The following CYP46A1 variants were observed in gnomAD, a reference collection of about 807,000 sequenced individuals.
CYP46A1 encodes the protein cytochrome P450 family 46 subfamily A member 1.
A neutral mutation model predicts 63.3 loss-of-function variants in CYP46A1; 20 were observed. The ratio of observed to expected loss-of-function variants is 0.32; its 90% CI spans 0.22 to 0.46. CYP46A1 has a LOEUF of 0.46. CYP46A1 is among the 20% of genes least tolerant of loss of function. CYP46A1 has a pLI of 1.00. For missense variants in CYP46A1, 445 were observed against 670.8 expected (o/e 0.66, Z 3.72); for synonymous variants, 268 against 273.6 (o/e 0.98, Z 0.20).
chr14:99,710,114 TATC>T (rs1337690486), intron 7 of CYP46A1: 1 of 152,144 alleles, frequency 6.6e-6, no homozygotes, highest in African/African-American at 2.4e-5. Context: ...GGACAATCTC[TATC>T]ATCATGAAAA....
intron 1 of CYP46A1, among the ~76,000 whole-genome samples, chr14:99,688,080 G>A (rs2056510669): frequency 6.6e-6 from 1 of 152,004 alleles, no homozygotes; most frequent in Non-Finnish European, 1.5e-5. Context: ...CCATGTGGCA[G>A]GGAACCCCAG....
intron 7 of CYP46A1, chr14:99,712,905 G>A (rs1225717725): frequency 6.6e-6 from 1 of 152,166 alleles, no homozygotes; most frequent in Non-Finnish European, 1.5e-5. Flanking sequence ...CTACTATAAA[G>A]CTACAATAAC....
intron 13 of CYP46A1, 144 bp from the exon 14 acceptor site, chr14:99,726,046 G>A (rs555453836): frequency 5.1e-5 from 36 of 706,230 alleles, no homozygotes; most frequent in African/African-American, 3.3e-4. Flanking sequence ...CAGAGTCAGC[G>A]GTTCATGCTT....
intron 3 of CYP46A1, among the ~76,000 whole-genome samples, chr14:99,698,362 T>A (rs192640146): frequency 6.6e-6 from 1 of 152,308 alleles, no homozygotes. Flanking sequence ...ATTCAAATCC[T>A]GTGTCTACCA....
Position 99,725,083 on chromosome 14 carries a change from C to T in CYP46A1, c.1177-308C>T, listed in dbSNP as rs1294403983. On this transcript the variant is annotated intron_variant, in intron 12 of 14. Transcript: ENST00000261835. This position sits in a 1 kb window ranked among gnomAD's most constrained non-coding sequence, Gnocchi z 4.2. ...TGGTGACTTCAGGTGAGTCACTGAG[C>T]CTCTCTCTGGGTCTCAGTTTCCTCA... Among the ~76,000 whole-genome samples the T allele has an allele frequency of 6.6e-6, 1 of 152,194 alleles. No individual in the cohort carries two copies. Among genetic ancestry groups the T allele is most frequent in the Non-Finnish European group, 1.5e-5 (1 of 68,038 alleles).
intron 7 of CYP46A1, chr14:99,710,427 A>C (rs1349495976): frequency 6.6e-6 from 1 of 152,148 alleles, no homozygotes; most frequent in African/African-American, 2.4e-5. Flanking sequence ...TATGCTGCTT[A>C]CAAGAAACTC....
intron 5 of CYP46A1, among the ~76,000 whole-genome samples, chr14:99,702,889 A>G (rs1350843007): frequency 1.3e-5 from 2 of 152,188 alleles, no homozygotes; most frequent in Non-Finnish European, 2.9e-5. Flanking sequence ...TCATTTGTAC[A>G]GTTGTAGCTG....
At chr14:99,726,104 A>G in intron 13 of CYP46A1, 86 bp from the exon 14 acceptor site, 1 of 1,233,946 alleles carries the variant, frequency 8.1e-7, no homozygotes, top group Non-Finnish European at 1.2e-6. Flanking sequence ...GTTCATCCAG[A>G]CCTGGGTTAA....
chr14:99,711,496 G>A (rs1185801829), intron 7 of CYP46A1: 1 of 151,946 alleles, frequency 6.6e-6, no homozygotes, highest in Non-Finnish European at 1.5e-5. Context: ...AGATTTTTAT[G>A]AACCACTATA....
At position 99,706,717 on chromosome 14, in the gene CYP46A1, G is replaced by A; in HGVS notation, c.514G>A (p.Ala172Thr). 6.2e-7 allele frequency: 1 copy of A among 1,613,840 alleles called. No individual in the cohort carries two copies. The highest frequency in any genetic ancestry group is 8.5e-7 in the Non-Finnish European group (1 of 1,180,014). The change falls in exon 6 of 15, where the codon GCA becomes ACA. Residue 172 changes from alanine (A) to threonine (T), a missense_variant. Physicochemically the swap from Ala to Thr is moderately conservative, Grantham distance 58. This residue lies in a region of CYP46A1 where 252 missense variants were observed against 383.3 expected (regional missense o/e 0.66). Coordinates refer to ENST00000261835, the MANE Select transcript of CYP46A1 (RefSeq NM_006668.2). ...EQLVEILEAK[A>T]DGQTPVSMQD... Reference sequence around the variant, plus strand: ...GCTGGTGGAGATTCTAGAAGCCAAGGCAGATGGGCAGACCCCAGTGTCCAT... The same window carrying A: ...GCTGGTGGAGATTCTAGAAGCCAAGACAGATGGGCAGACCCCAGTGTCCAT...
intron 3 of CYP46A1, among the ~76,000 whole-genome samples, chr14:99,692,799 C>T (rs1450945311): frequency 6.6e-6 from 1 of 151,730 alleles, no homozygotes; most frequent in African/African-American, 2.4e-5. Flanking sequence ...CACAGCACTC[C>T]AGCCTGGGTG....
chr14:99,713,084 A>C (rs973240540), intron 7 of CYP46A1: 1 of 152,228 alleles, frequency 6.6e-6, no homozygotes, highest in Non-Finnish European at 1.5e-5. Context: ...ATCTAAATGC[A>C]GAAGAATTAA....
Position 99,726,558 on chromosome 14 carries a change from T to C in CYP46A1, c.1334T>C (p.Met445Thr). Residue 445 changes from methionine to threonine, a missense_variant and splice_region_variant, in exon 15 of 15, where the codon ATG (methionine) becomes ACG (threonine). By Grantham distance (81) the Met-to-Thr change is moderately conservative. Coordinates refer to ENST00000261835, the MANE Select transcript of CYP46A1 (RefSeq NM_006668.2). The stretch of plus-strand genomic sequence containing the variant: ...CCTCATTTTGCCCGCTGGGCCCAGA[T>C]GGAGGTGAAGGTGGTCATGGCAAAG... ...RSCIGQQFAQ[M>T]EVKVVMAKLL... The C allele has an allele frequency of 1.9e-6, 3 of 1,579,238 alleles. No homozygotes were observed. Among genetic ancestry groups the C allele is most frequent in the East Asian group, 2.3e-5 (1 of 43,994 alleles).
chr14:99,699,900 G>A (rs753927771), intron 4 of CYP46A1, 115 bp from the exon 5 acceptor site: 24 of 721,360 alleles, frequency 3.3e-5, no homozygotes, highest in Admixed American at 1.0e-4. Context: ...CGCAACCGTC[G>A]CCACCGCCTA....
rs773840215 is a variant in CYP46A1, at chr14:99,716,223, A to G, written c.907+24A>G. On this transcript the variant is annotated intron_variant, in intron 9 of 14. Coordinates refer to ENST00000261835, the MANE Select transcript of CYP46A1 (RefSeq NM_006668.2). ...TGGTTTGTAGCTTTGGCGGTGGCCA[A>G]GGGCCCGGAGCTCTGCAGAAATGCT... 4 of 1,613,332 alleles carry G rather than the reference A, an allele frequency of 2.5e-6. No individual in the cohort carries two copies. The Admixed American group carries it at 5.0e-5, about 20-fold the overall frequency.
chr14:99,718,892 TATAATA>T (rs373515051), intron 10 of CYP46A1, among the ~76,000 whole-genome samples: 6 of 151,928 alleles, frequency 3.9e-5, no homozygotes, highest in African/African-American at 9.7e-5. Flanking sequence ...GCAGAAAAGC[TATAATA>T]ATAATAATAA....
chr14:99,693,383 A>C (rs1595185859), intron 3 of CYP46A1, among the ~76,000 whole-genome samples: 2 of 152,268 alleles, frequency 1.3e-5, no homozygotes, highest in African/African-American at 4.8e-5. Flanking sequence ...CCATGCACAA[A>C]GACTTTCGTG....
At chr14:99,690,922 C>G (rs2056537890) in intron 1 of CYP46A1, among the ~76,000 whole-genome samples, 159 bp from the exon 2 acceptor site, 1 of 152,124 alleles carries the variant, frequency 6.6e-6, no homozygotes, top group Non-Finnish European at 1.5e-5. Flanking sequence ...TGCATCCTGT[C>G]TTCATTCTTA....
Position 99,684,531 on chromosome 14 carries a change from G to A in CYP46A1, c.114G>A (p.Arg38=). The A allele has an allele frequency of 6.8e-7, 1 of 1,468,746 alleles. No homozygotes were observed. Among genetic ancestry groups the A allele is most frequent in the South Asian group, 1.3e-5 (1 of 77,044 alleles). The allele number at this position is 1,468,746 out of a possible 1,614,324, so 91.0% of individuals were successfully genotyped here. ...SRYEHIPGPP[R]PSFLLGHLPC... ...ACGAGCACATCCCCGGGCCGCCGCG[G>A]CCCAGGTGAGCGGGGCTGGGGGCGG... The change falls in exon 1 of 15, where the codon CGG becomes CGA. Residue 38 remains arginine (R), a synonymous_variant. Coordinates refer to ENST00000261835, the MANE Select transcript of CYP46A1 (RefSeq NM_006668.2).
Sources: gnomAD v4.1 joint callset for allele counts (sites outside exome capture counted in the v4.1 genomes callset) on GRCh38, gnomAD v4.1.1 for gene constraint, gnomAD v4.1.1 regional missense constraint, Gnocchi (gnomAD v3.1) non-coding constraint, MANE v1.5 for transcripts, NCBI Gene and HGNC (gene_info 2026-07-23, HGNC 2026-07-21) for gene names.